The following ZNF274 variants were observed in gnomAD, a reference collection of about 807,000 sequenced individuals.
The protein encoded by ZNF274 is zinc finger protein 274, also known as neurotrophin receptor-interacting factor homolog.
In ZNF274, 23 loss-of-function variants were observed where a neutral mutation model predicts 42.5. That is an observed-to-expected ratio of 0.54 (90% CI 0.39 to 0.77). ZNF274 has a LOEUF of 0.77. Ranked by LOEUF, ZNF274 falls within the 30% of genes least tolerant of loss-of-function variation. ZNF274 has a pLI of 0.00. For missense variants in ZNF274, 679 were observed against 806.5 expected (o/e 0.84, Z 1.91); for synonymous variants, 292 against 305.4 (o/e 0.96, Z 0.46).
Position 58,185,717 on chromosome 19 carries a change from A to T in ZNF274, c.39A>T (p.Pro13=). 17 of 1,444,050 alleles carry T rather than the reference A, an allele frequency of 1.2e-5. No homozygotes were observed. The highest frequency in any genetic ancestry group is 1.6e-5 in the Non-Finnish European group (17 of 1,093,134). 89.5% of individuals were successfully genotyped at this position (1,444,050 alleles called of 1,614,324 possible). A position where few individuals can be genotyped will look rare whatever the true frequency, so the allele number is the denominator to read the frequency against. The change falls in exon 3 of 8, where the codon CCA becomes CCT. Residue 13 remains proline (P), a synonymous_variant. Coordinates refer to ENST00000617501, the MANE Select transcript of ZNF274 (RefSeq NM_133502.3). ...ACAAGAATCTGGATTTTTAGGAACC[A>T]GTGACCTTTGAAGATGTAACACTGG... ...SRLPTAWSCE[P]VTFEDVTLGF...
Position 58,213,375 on chromosome 19 carries a change from T to A in ZNF274, c.*232T>A. 2.1e-6 allele frequency: 1 copy of A among 482,364 alleles called. No homozygotes were observed. The highest frequency in any genetic ancestry group is 3.5e-6 in the Non-Finnish European group (1 of 282,300). The allele number at this position is 482,364 out of a possible 1,614,324, so 29.9% of individuals were successfully genotyped here. On this transcript the variant is annotated 3_prime_UTR_variant, in exon 8 of 8. Transcript: ENST00000617501. ...AAGATTTCCCATTCACTTGATATTG[T>A]TTGTTCACTCATTTAGTCATTAAAA...
chr19:58,205,869 G>T (rs892958195), intron 4 of ZNF274, among the ~76,000 whole-genome samples: 4 of 152,160 alleles, frequency 2.6e-5, no homozygotes, highest in African/African-American at 9.7e-5. Context: ...CATGTACAGT[G>T]TCACAGATCC....
chr19:58,193,008 G>A (rs995993891), intron 4 of ZNF274, among the ~76,000 whole-genome samples: 7 of 151,898 alleles, frequency 4.6e-5, no homozygotes, highest in Non-Finnish European at 1.0e-4. Context: ...TGAGATTACC[G>A]TCTTTAGCTA....
At chr19:58,202,498 TAGAC>T (rs893492730) in intron 4 of ZNF274, 25 of 152,348 alleles carry the variant, frequency 1.6e-4, no homozygotes, top group African/African-American at 2.6e-4. Flanking sequence ...CACAACCCAT[TAGAC>T]AGACAGTTGT....
Position 58,211,374 on chromosome 19 carries a change from A to G in ZNF274, c.853-186A>G, listed in dbSNP as rs1415796652. On this transcript the variant is annotated intron_variant, in intron 6 of 7. Transcript: ENST00000617501. This position sits in a 1 kb window ranked among gnomAD's most constrained non-coding sequence, Gnocchi z 4.8. ...GGCTCTGCCTCCCAGCCTGAGACCC[A>G]GACCCTGGTTTGGACCCAGTAGAAC... 3 of 634,664 alleles carry G rather than the reference A, an allele frequency of 4.7e-6. No homozygotes were observed. Among genetic ancestry groups the G allele is most frequent in the Non-Finnish European group, 7.5e-6 (3 of 399,122 alleles). The allele number at this position is 634,664 out of a possible 1,614,324, so 39.3% of individuals were successfully genotyped here.
chr19:58,212,373 A>C lies in ZNF274; in HGVS notation c.1192A>C (p.Lys398Gln), dbSNP rs775403086. Residue 398 changes from lysine (K) to glutamine (Q), a missense_variant, in exon 8 of 8, where the codon AAG (lysine) becomes CAG (glutamine). Physicochemically the swap from Lys to Gln is moderately conservative, Grantham distance 53. Transcript: ENST00000617501. This position sits in a 1 kb window ranked among gnomAD's most constrained non-coding sequence, Gnocchi z 4.6. ...SAQEKDLPQK[K>Q]HFDNRESQAN... ...TCAGGAAAAAGACCTTCCTCAGAAG[A>C]AGCACTTTGACAACCGTGAGTCCCA... is the stretch of plus-strand genomic sequence containing the variant. 7 of 1,613,888 alleles carry C rather than the reference A, an allele frequency of 4.3e-6. No individual in the cohort carries two copies. In the Admixed American group the frequency reaches 1.0e-4, roughly 23 times the overall value.
intron 4 of ZNF274, among the ~76,000 whole-genome samples, chr19:58,193,984 CA>C (rs1488002594): frequency 1.3e-5 from 2 of 152,080 alleles, no homozygotes; most frequent in Admixed American, 6.6e-5. Flanking sequence ...ATAAAAGGGT[CA>C]GATGTGGTGG....
intron 4 of ZNF274, among the ~76,000 whole-genome samples, chr19:58,199,311 A>C (rs931301706): frequency 2.6e-5 from 4 of 152,066 alleles, no homozygotes; most frequent in African/African-American, 9.7e-5. Flanking sequence ...GGTTGCAGTG[A>C]GCCGAGATTG....
In ZNF274 at chr19:58,212,044, T is replaced by A; in HGVS notation, c.980-117T>A. On this transcript the variant is annotated intron_variant, in intron 7 of 7. Coordinates refer to ENST00000617501, the MANE Select transcript of ZNF274 (RefSeq NM_133502.3). The surrounding 1 kb of genome is among the most constrained non-coding windows in gnomAD (Gnocchi z 4.6). ...TCAGTCTCTCTCCAGGTTGCATGACTCTATTTGGGAGAAAAAAAAAATCCT... is the reference window on the plus strand; with the variant it reads ...TCAGTCTCTCTCCAGGTTGCATGACACTATTTGGGAGAAAAAAAAAATCCT... 7.8e-7 allele frequency: 1 copy of A among 1,281,410 alleles called. No individual in the cohort carries two copies. The highest frequency in any genetic ancestry group is 1.1e-6 in the Non-Finnish European group (1 of 940,432). The allele number at this position is 1,281,410 out of a possible 1,614,324, so 79.4% of individuals were successfully genotyped here.
chr19:58,196,939 C>A (rs2075850248), intron 4 of ZNF274, among the ~76,000 whole-genome samples: 1 of 152,174 alleles, frequency 6.6e-6, no homozygotes, highest in Non-Finnish European at 1.5e-5. Context: ...GGGAAGAAAC[C>A]TCAGAAATAT....
intron 4 of ZNF274, among the ~76,000 whole-genome samples, chr19:58,188,702 A>ATATATATATATATATATATG (rs2075740993): frequency 8.9e-6 from 1 of 112,186 alleles, no homozygotes; most frequent in Non-Finnish European, 1.8e-5. Flanking sequence ...ATGTATATAT[A>ATATATATATATATATATATG]TATATATATA....
In ZNF274 at chr19:58,185,757, G is replaced by T; in HGVS notation, c.79G>T (p.Glu27Ter). The T allele has an allele frequency of 6.8e-7, 1 of 1,465,782 alleles. No individual in the cohort carries two copies. The allele number at this position is 1,465,782 out of a possible 1,614,324, so 90.8% of individuals were successfully genotyped here. ...TGTAACACTGGGTTTTACCCCGGAA[G>T]AGTGGGGACTGCTGGACCTCAAACA... ...EDVTLGFTPE[E>*]WGLLDLKQKS... The change falls in exon 3 of 8, where the codon GAG (glutamate) becomes TAG (stop). Residue 27 changes from glutamate to a stop codon, truncating the protein, a stop_gained. Coordinates refer to ENST00000617501, the MANE Select transcript of ZNF274 (RefSeq NM_133502.3). LOFTEE classifies it high-confidence loss of function.
At chr19:58,203,225 C>T (rs931166139) in intron 4 of ZNF274, among the ~76,000 whole-genome samples, 2 of 152,092 alleles carry the variant, frequency 1.3e-5, no homozygotes, top group Admixed American at 6.6e-5. Flanking sequence ...GCACTTAGTC[C>T]GGTGCTGCTG....
intron 4 of ZNF274, among the ~76,000 whole-genome samples, chr19:58,189,841 C>G (rs1466660996): frequency 1.3e-5 from 2 of 151,940 alleles, no homozygotes; most frequent in East Asian, 1.9e-4. Flanking sequence ...TCTTTTTTGG[C>G]CGGGCGGGCA....
Position 58,207,207 on chromosome 19 carries a change from G to A in ZNF274, c.739+5G>A. 2 of 1,606,522 alleles carry A rather than the reference G, an allele frequency of 1.2e-6. No homozygotes were observed. Among genetic ancestry groups the A allele is most frequent in the South Asian group, 1.1e-5 (1 of 89,906 alleles). On this transcript the variant is annotated splice_donor_5th_base_variant and intron_variant, in intron 5 of 7. Coordinates refer to ENST00000617501, the MANE Select transcript of ZNF274 (RefSeq NM_133502.3). This position sits in a 1 kb window ranked among gnomAD's most constrained non-coding sequence, Gnocchi z 5.6. ...CCTGGATGTCTGAGGAGGAAGGTAAGTAGAAGGGTGGGTAGAGGGACAGCT... is the reference window on the plus strand; with the variant it reads ...CCTGGATGTCTGAGGAGGAAGGTAAATAGAAGGGTGGGTAGAGGGACAGCT...
At chr19:58,199,528 C>G (rs2075884401) in intron 4 of ZNF274, among the ~76,000 whole-genome samples, 1 of 152,202 alleles carries the variant, frequency 6.6e-6, no homozygotes, top group South Asian at 2.1e-4. Context: ...CAAGACCAGC[C>G]TGGCCAACAT....
chr19:58,189,195 T>G (rs1000500197), intron 4 of ZNF274, among the ~76,000 whole-genome samples: 4 of 152,182 alleles, frequency 2.6e-5, no homozygotes, highest in African/African-American at 9.6e-5. Flanking sequence ...CCAGACCATA[T>G]ATTGTCTACC....
intron 4 of ZNF274, among the ~76,000 whole-genome samples, chr19:58,188,896 AT>A (rs1211503359): frequency 6.9e-6 from 1 of 144,656 alleles, no homozygotes; most frequent in African/African-American, 2.6e-5. Flanking sequence ...AAAAAAAAAA[AT>A]TAAAAATCCT....
Position 58,212,126 on chromosome 19 carries a change from C to A in ZNF274, c.980-35C>A. The A allele has an allele frequency of 6.4e-7, 1 of 1,568,584 alleles. No homozygotes were observed. Among genetic ancestry groups the A allele is most frequent in the South Asian group, 1.2e-5 (1 of 85,428 alleles). ...CTCAGACCCATCCCAGCACATCTCT[C>A]TATGGGATCCACATCTTTTGTTTAT... On this transcript the variant is annotated intron_variant, in intron 7 of 7. Transcript: ENST00000617501. This position sits in a 1 kb window ranked among gnomAD's most constrained non-coding sequence, Gnocchi z 4.6.
Sources: gnomAD v4.1 joint callset for allele counts (sites outside exome capture counted in the v4.1 genomes callset) on GRCh38, gnomAD v4.1.1 for gene constraint, Gnocchi (gnomAD v3.1) non-coding constraint, MANE v1.5 for transcripts, NCBI Gene and HGNC (gene_info 2026-07-23, HGNC 2026-07-21) for gene names.